The following TMEM132D variants were observed in gnomAD, a reference collection of about 807,000 sequenced individuals.
TMEM132D encodes transmembrane protein 132D.
Under a neutral mutation model 62.3 loss-of-function variants are expected in TMEM132D, and 21 were observed. The ratio of observed to expected loss-of-function variants is 0.34; its 90% confidence interval spans 0.24 to 0.49. The LOEUF (loss-of-function observed/expected upper bound fraction) is 0.49, where lower values mean the gene tolerates loss of function less well. TMEM132D is among the 20% of genes least tolerant of loss of function. The pLI, the probability that TMEM132D is intolerant of heterozygous loss-of-function variation, is 0.99. For missense variants in TMEM132D, 1,346 were observed against 1,402.8 expected (o/e 0.96, Z 0.65); for synonymous variants, 621 against 575.6 (o/e 1.08, Z -1.13).
chr12:129,397,456 A>G (rs968251735), intron 3 of TMEM132D, among the ~76,000 whole-genome samples: 4 of 152,158 alleles, frequency 2.6e-5, no homozygotes, highest in African/African-American at 9.7e-5. Flanking sequence ...CCGTAAAACT[A>G]CATGAAATCT....
At chr12:129,801,515 A>G (rs1484273711) in intron 1 of TMEM132D, among the ~76,000 whole-genome samples, 3 of 150,862 alleles carry the variant, frequency 2.0e-5, no homozygotes, top group Admixed American at 6.6e-5. Flanking sequence ...CAGAAAGGAC[A>G]TCCACACCAA....
intron 1 of TMEM132D, among the ~76,000 whole-genome samples, chr12:129,743,820 G>A (rs970222014): frequency 2.0e-5 from 3 of 152,164 alleles, no homozygotes; most frequent in Non-Finnish European, 2.9e-5. Flanking sequence ...TAATGATGAA[G>A]GCAGAGCTTG....
intron 1 of TMEM132D, among the ~76,000 whole-genome samples, chr12:129,712,504 GT>G (rs1191116933): frequency 6.6e-6 from 1 of 152,192 alleles, no homozygotes; most frequent in East Asian, 1.9e-4. Context: ...GCAGGTGGGA[GT>G]GGCCACCTCC....
intron 2 of TMEM132D, among the ~76,000 whole-genome samples, chr12:129,664,717 G>T (rs918138289): frequency 1.3e-4 from 20 of 151,990 alleles, no homozygotes; most frequent in Admixed American, 3.9e-4. Flanking sequence ...GAGCCACTGC[G>T]GCCGGCCTAG....
chr12:129,838,662 A>C (rs940655501), intron 1 of TMEM132D, among the ~76,000 whole-genome samples: 3 of 152,214 alleles, frequency 2.0e-5, no homozygotes, highest in African/African-American at 7.2e-5. Flanking sequence ...CAAAAAGAGA[A>C]ATACCCTAAC....
At chr12:129,482,196 T>A (rs545825269) in intron 3 of TMEM132D, among the ~76,000 whole-genome samples, 3 of 152,274 alleles carry the variant, frequency 2.0e-5, no homozygotes, top group Admixed American at 2.0e-4. Flanking sequence ...GGCCAAGCCA[T>A]CTCCACTGTG....
At chr12:129,690,325 TA>T (rs34230958) in intron 2 of TMEM132D, among the ~76,000 whole-genome samples, 20,857 of 152,042 alleles carry the variant, frequency 0.14, 1,675 homozygotes, top group East Asian at 0.33. Context: ...AGAAAATAGT[TA>T]AAAACATGAT....
chr12:129,553,188 T>G (rs1279874201), intron 2 of TMEM132D, among the ~76,000 whole-genome samples: 1 of 152,036 alleles, frequency 6.6e-6, no homozygotes, highest in Non-Finnish European at 1.5e-5. Context: ...TCAGTCAGGC[T>G]CCCTGCTGGT....
chr12:129,816,792 T>C (rs567418206), intron 1 of TMEM132D, among the ~76,000 whole-genome samples: 17 of 152,256 alleles, frequency 1.1e-4, no homozygotes, highest in Non-Finnish European at 2.2e-4. Flanking sequence ...ATGAGGACTT[T>C]GATTACAGCA....
intron 1 of TMEM132D, among the ~76,000 whole-genome samples, chr12:129,841,196 T>C (rs1395507478): frequency 1.3e-5 from 2 of 152,116 alleles, no homozygotes; most frequent in African/African-American, 4.8e-5. Context: ...ACAATGGAGT[T>C]ACCAAAAGTT....
At chr12:129,510,847 G>A (rs1428176104) in intron 3 of TMEM132D, among the ~76,000 whole-genome samples, 1 of 152,090 alleles carries the variant, frequency 6.6e-6, no homozygotes, top group Non-Finnish European at 1.5e-5. Context: ...TGTCAAAAAC[G>A]AGTTCACTGT....
intron 2 of TMEM132D, among the ~76,000 whole-genome samples, chr12:129,615,464 C>T (rs1229696878): frequency 4.0e-5 from 6 of 150,936 alleles, no homozygotes; most frequent in Non-Finnish European, 8.8e-5. Flanking sequence ...AAAGTACGGC[C>T]GTGAGACCAG....
At chr12:129,591,584 T>C (rs1217874628) in intron 2 of TMEM132D, among the ~76,000 whole-genome samples, 1 of 151,600 alleles carries the variant, frequency 6.6e-6, no homozygotes. Context: ...GGCCACATCA[T>C]ACATTCACTC....
intron 4 of TMEM132D, among the ~76,000 whole-genome samples, chr12:129,269,828 C>A (rs1880804425): frequency 6.6e-6 from 1 of 152,140 alleles, no homozygotes; most frequent in African/African-American, 2.4e-5. Flanking sequence ...TCATTTTTCA[C>A]ATTATATACA....
intron 1 of TMEM132D, among the ~76,000 whole-genome samples, chr12:129,891,156 C>G (rs1418789779): frequency 2.6e-5 from 4 of 152,138 alleles, no homozygotes; most frequent in South Asian, 4.2e-4. Context: ...AACCTTGAAG[C>G]CAAAGTCTCT....
At chr12:129,415,944 C>G (rs1205619433) in intron 3 of TMEM132D, among the ~76,000 whole-genome samples, 1 of 152,192 alleles carries the variant, frequency 6.6e-6, no homozygotes, top group African/African-American at 2.4e-5. Flanking sequence ...ACACATTCTG[C>G]TCGGCTTAAC....
intron 4 of TMEM132D, among the ~76,000 whole-genome samples, chr12:129,238,314 C>G (rs916742358): frequency 3.3e-5 from 5 of 152,152 alleles, no homozygotes; most frequent in African/African-American, 1.2e-4. Context: ...TTATTTAAAA[C>G]AATTTTAAAA....
intron 1 of TMEM132D, among the ~76,000 whole-genome samples, chr12:129,798,321 T>G (rs573063173): frequency 4.7e-4 from 72 of 152,302 alleles, no homozygotes; most frequent in African/African-American, 1.6e-3. Flanking sequence ...TAAAGGTCTT[T>G]CTCAATAGTT....
At chr12:129,194,434 AC>A (rs1260562559) in intron 5 of TMEM132D, among the ~76,000 whole-genome samples, 1 of 152,208 alleles carries the variant, frequency 6.6e-6, no homozygotes, top group Non-Finnish European at 1.5e-5. Flanking sequence ...AAAGAAGGAA[AC>A]AACAGACCTG....
Sources: allele counts gnomAD v4.1 joint callset (sites outside exome capture counted in the v4.1 genomes callset), GRCh38; gene constraint gnomAD v4.1.1; transcripts MANE v1.5; gene names NCBI Gene and HGNC (gene_info 2026-07-23, HGNC 2026-07-21).